The following COX7B2 variants were observed in gnomAD, a reference collection of about 807,000 sequenced individuals.
COX7B2 encodes cytochrome c oxidase subunit 7B2, mitochondrial.
For missense variants in COX7B2, 109 were observed against 95.9 expected, an observed-to-expected ratio of 1.14 and a Z score of -0.57; for synonymous variants, 37 against 32.1, an observed-to-expected ratio of 1.15 and a Z score of -0.51.
intron 2 of COX7B2, among the ~76,000 whole-genome samples, chr4:46,805,036 G>A (rs1470940512): frequency 1.3e-5 from 2 of 152,164 alleles, no homozygotes; most frequent in Admixed American, 1.3e-4. Flanking sequence ...GCTGGCCCAG[G>A]TGCTAACCTC....
At chr4:46,880,377 C>G (rs1216359901) in intron 1 of COX7B2, among the ~76,000 whole-genome samples, 1 of 147,238 alleles carries the variant, frequency 6.8e-6, no homozygotes, top group Admixed American at 6.8e-5. Flanking sequence ...ATAATACATC[C>G]GGTAGAATTC....
intron 2 of COX7B2, among the ~76,000 whole-genome samples, chr4:46,775,911 G>T (rs1717129609): frequency 6.6e-6 from 1 of 152,156 alleles, no homozygotes; most frequent in Non-Finnish European, 1.5e-5. Flanking sequence ...TGGTAAGACA[G>T]TCCCCAACGT....
intron 1 of COX7B2, among the ~76,000 whole-genome samples, chr4:46,890,612 C>T (rs1032479084): frequency 1.3e-5 from 2 of 152,178 alleles, no homozygotes; most frequent in African/African-American, 4.8e-5. Flanking sequence ...GAAGTCTTAT[C>T]TGACAAGCTG....
intron 2 of COX7B2, among the ~76,000 whole-genome samples, chr4:46,754,009 T>A (rs1478240651): frequency 6.6e-6 from 1 of 152,024 alleles, no homozygotes; most frequent in Admixed American, 6.6e-5. Flanking sequence ...AAAACCACAA[T>A]CAGACACCAT....
chr4:46,782,789 C>T (rs187276923), intron 2 of COX7B2, among the ~76,000 whole-genome samples: 109 of 152,226 alleles, frequency 7.2e-4, no homozygotes, highest in Admixed American at 1.4e-3. Flanking sequence ...AGGCTCACCG[C>T]GAAGGTCTGC....
Position 46,754,728 on chromosome 4 carries a change from G to GTGTGTATATA in COX7B2, c.-49-19488_-49-19487insTATATACACA, listed in dbSNP as rs1333586285. Reference sequence around the variant, plus strand: ...TGTGTGTGTGTGTGTGTGTGTGTGTGTATATATATATATATATATATGAAA... The same window carrying GTGTGTATATA: ...TGTGTGTGTGTGTGTGTGTGTGTGTGTGTGTATATATATATATATATATATATATATGAAA... On this transcript the variant is annotated intron_variant, in intron 2 of 2. Transcript: ENST00000355591. Among the ~76,000 whole-genome samples, 36 of 39,868 alleles carry GTGTGTATATA rather than the reference G, an allele frequency of 9.0e-4. 1 individual carries two copies. The highest frequency in any genetic ancestry group is 3.6e-3 in the Admixed American group (8 of 2,206). 26.2% of individuals were successfully genotyped at this position (39,868 alleles called of 152,430 possible).
intron 2 of COX7B2, among the ~76,000 whole-genome samples, chr4:46,798,403 G>T (rs1718472849): frequency 6.6e-6 from 1 of 152,166 alleles, no homozygotes. Context: ...TCAAAGGAAG[G>T]CTCTACAACA....
In COX7B2 at chr4:46,735,196, G is replaced by A. The variant is rs1714291526; in HGVS notation, c.-4C>T. 2 of 1,612,864 alleles carry A rather than the reference G, an allele frequency of 1.2e-6. No homozygotes were observed. The highest frequency in any genetic ancestry group is 1.7e-6 in the Non-Finnish European group (2 of 1,179,704). ...TTCTGGCCAAGGGAAACATCATGAA[G>A]GATTGCAGTTGCCTTCAGCTACTGG... On this transcript the variant is annotated 5_prime_UTR_variant, in exon 3 of 3. Coordinates refer to ENST00000355591, the MANE Select transcript of COX7B2 (RefSeq NM_130902.3).
chr4:46,740,117 C>A (rs1714615087), intron 2 of COX7B2, among the ~76,000 whole-genome samples: 2 of 151,880 alleles, frequency 1.3e-5, no homozygotes, highest in South Asian at 4.1e-4. Flanking sequence ...ATTTTAGCTG[C>A]AAAGGTATAT....
At chr4:46,823,059 C>T (rs571528295) in intron 2 of COX7B2, among the ~76,000 whole-genome samples, 58 of 152,162 alleles carry the variant, frequency 3.8e-4, no homozygotes, top group African/African-American at 1.4e-3. Context: ...CAGTGTGAAT[C>T]CCCCAAGGGC....
At chr4:46,745,371 G>C (rs1383641914) in intron 2 of COX7B2, among the ~76,000 whole-genome samples, 2 of 152,146 alleles carry the variant, frequency 1.3e-5, no homozygotes, top group South Asian at 2.1e-4. Flanking sequence ...CATCTGATGA[G>C]AAGAACACAT....
intron 1 of COX7B2, among the ~76,000 whole-genome samples, chr4:46,900,165 T>C (rs1250765233): frequency 1.3e-5 from 2 of 152,130 alleles, no homozygotes; most frequent in African/African-American, 4.8e-5. Context: ...AGTTACTCGG[T>C]GAAAGCATAG....
chr4:46,855,964 C>G (rs1716988240), intron 1 of COX7B2, among the ~76,000 whole-genome samples: 1 of 152,112 alleles, frequency 6.6e-6, no homozygotes, highest in Non-Finnish European at 1.5e-5. Flanking sequence ...AAATCCCTGG[C>G]TGGGCGCGGT....
chr4:46,790,970 C>G (rs887377598), intron 2 of COX7B2, among the ~76,000 whole-genome samples: 32 of 152,186 alleles, frequency 2.1e-4, no homozygotes, highest in Admixed American at 3.3e-4. Flanking sequence ...TGCCTGAAGT[C>G]CTAATATTAT....
intron 1 of COX7B2, among the ~76,000 whole-genome samples, chr4:46,877,270 G>C (rs1718402465): frequency 1.3e-5 from 2 of 152,180 alleles, no homozygotes; most frequent in Non-Finnish European, 2.9e-5. Flanking sequence ...ATGTGACTGA[G>C]CTGAGGTTTC....
chr4:46,835,199 G>A (rs771926424), intron 2 of COX7B2, among the ~76,000 whole-genome samples: 1 of 152,018 alleles, frequency 6.6e-6, no homozygotes, highest in Non-Finnish European at 1.5e-5. Flanking sequence ...TGACATAAAG[G>A]ACAATTTGAA....
chr4:46,789,876 A>C (rs1269231569), intron 2 of COX7B2, among the ~76,000 whole-genome samples: 1 of 152,168 alleles, frequency 6.6e-6, no homozygotes, highest in African/African-American at 2.4e-5. Context: ...AGGTTTAGCA[A>C]ATATTTCCAA....
At chr4:46,871,751 T>C (rs902064484) in intron 1 of COX7B2, among the ~76,000 whole-genome samples, 1 of 151,790 alleles carries the variant, frequency 6.6e-6, no homozygotes, top group Non-Finnish European at 1.5e-5. Flanking sequence ...TAACTTATCA[T>C]TAGAAAAATG....
At chr4:46,766,955 G>A (rs942353971) in intron 2 of COX7B2, among the ~76,000 whole-genome samples, 3 of 151,918 alleles carry the variant, frequency 2.0e-5, no homozygotes, top group African/African-American at 7.3e-5. Flanking sequence ...AAAACACAAA[G>A]GAACCACAAA....
Sources: gnomAD v4.1 joint callset for allele counts (sites outside exome capture counted in the v4.1 genomes callset) on GRCh38, gnomAD v4.1.1 for gene constraint, MANE v1.5 for transcripts, NCBI Gene and HGNC (gene_info 2026-07-23, HGNC 2026-07-21) for gene names.